The following CELF2 variants were observed in gnomAD, a reference collection of about 807,000 sequenced individuals.
CELF2 encodes the protein CUG triplet repeat RNA-binding protein 2.
CELF2 carries 8 observed loss-of-function variants against 62.6 expected under a neutral mutation model. That is an observed-to-expected ratio of 0.13 (90% CI 0.07 to 0.23). The LOEUF is 0.23. Among genes scored for constraint, CELF2 ranks in the 10% least tolerant of loss-of-function variants. CELF2 has a pLI of 1.00. For synonymous variants in CELF2, 258 were observed against 250.0 expected, an observed-to-expected ratio of 1.03 and a Z score of -0.30; for missense variants, 333 against 671.0, an observed-to-expected ratio of 0.50 and a Z score of 5.56.
chr10:11,089,252 G>A (rs762831925), intron 1 of CELF2, among the ~76,000 whole-genome samples: 6 of 152,182 alleles, frequency 3.9e-5, no homozygotes, highest in African/African-American at 9.7e-5. Context: ...CACACAGTAG[G>A]CCACAGTGGA....
the CELF2 span, among the ~76,000 whole-genome samples, chr10:10,714,877 T>TA: frequency 0.046 from 6,718 of 145,802 alleles, 356 homozygotes; most frequent in African/African-American, 0.13. Flanking sequence ...AAGCCTTATT[T>TA]AAAAAAAAAA....
chr10:10,960,880 A>C (rs913310173), intron 2 of CELF2, among the ~76,000 whole-genome samples: 1 of 152,216 alleles, frequency 6.6e-6, no homozygotes, highest in Non-Finnish European at 1.5e-5. Context: ...GCACATTTAG[A>C]GTCACATTGT....
At chr10:10,526,948 C>G in the CELF2 span, among the ~76,000 whole-genome samples, 4 of 152,334 alleles carry the variant, frequency 2.6e-5, no homozygotes, top group South Asian at 4.1e-4. Context: ...ACTTGCACCA[C>G]AGTTGTTTAT....
In CELF2 at chr10:11,150,197, A is replaced by G. The variant is rs143989049; in HGVS notation, c.75-15289A>G. On this transcript the variant is annotated intron_variant, in intron 1 of 12. Coordinates refer to ENST00000633077, the MANE Select transcript of CELF2 (RefSeq NM_001326342.2). ...CCTAAATCAGTCATCTAGAAAACAA[A>G]CATACACACTTTGTGATTTTCAAAG... Among the ~76,000 whole-genome samples, 41 of 152,342 alleles carry G rather than the reference A, an allele frequency of 2.7e-4. No homozygotes were observed. The East Asian group carries it at 7.7e-3, about 29-fold the overall frequency.
chr10:10,963,635 G>C (rs111877234), intron 2 of CELF2, among the ~76,000 whole-genome samples: 1 of 145,430 alleles, frequency 6.9e-6, no homozygotes, highest in African/African-American at 2.8e-5. Context: ...CTGTATTTAT[G>C]GGTCCATCCT....
rs551164216 is a variant in CELF2, at chr10:11,244,309, A to G, written c.355-4844A>G. 6.6e-6 allele frequency among the ~76,000 whole-genome samples: 1 copy of G among 152,290 alleles called. No individual in the cohort carries two copies. The highest frequency in any genetic ancestry group is 2.1e-4 in the South Asian group (1 of 4,816). On this transcript the variant is annotated intron_variant, in intron 3 of 12. Coordinates refer to ENST00000633077, the MANE Select transcript of CELF2 (RefSeq NM_001326342.2). This position sits in a 1 kb window ranked among gnomAD's most constrained non-coding sequence, Gnocchi z 4.2. The stretch of plus-strand genomic sequence containing the variant: ...TGTCCAGCCTATGAACATATCCCTC[A>G]CTGTTAGTCTTGTGCTTTAGGTGTC...
the CELF2 span, among the ~76,000 whole-genome samples, chr10:10,678,605 G>A: frequency 9.9e-5 from 15 of 152,096 alleles, no homozygotes; most frequent in Admixed American, 9.2e-4. Context: ...ATGCAATGAC[G>A]GCCAAAAGGC....
At chr10:10,932,101 G>A (rs1592088166) in intron 2 of CELF2, among the ~76,000 whole-genome samples, 1 of 152,200 alleles carries the variant, frequency 6.6e-6, no homozygotes, top group East Asian at 1.9e-4. Context: ...GAACATATCA[G>A]GCAGTATCAT....
At chr10:10,666,773 A>G in the CELF2 span, among the ~76,000 whole-genome samples, 1 of 119,658 alleles carries the variant, frequency 8.4e-6, no homozygotes, top group African/African-American at 3.5e-5. Context: ...GAGGCAGGAG[A>G]ATGGCGTGAA....
chr10:11,287,027 C>T (rs1342513346), intron 8 of CELF2, among the ~76,000 whole-genome samples: 3 of 152,180 alleles, frequency 2.0e-5, no homozygotes, highest in Non-Finnish European at 2.9e-5. Flanking sequence ...GAGCACTCAG[C>T]AGCCAGGCAC....
At chr10:11,174,316 T>C (rs74753423) in intron 2 of CELF2, among the ~76,000 whole-genome samples, 5,618 of 152,174 alleles carry the variant, frequency 0.037, 345 homozygotes, top group African/African-American at 0.12. Context: ...AAAAAGGGGC[T>C]AGTTAGCTAC....
intron 2 of CELF2, chr10:10,937,599 G>A (rs1318156568): frequency 6.6e-6 from 1 of 152,138 alleles, no homozygotes; most frequent in Non-Finnish European, 1.5e-5. Context: ...GCAATATTCT[G>A]TTACTGAGCT....
At chr10:11,036,191 G>A (rs1272357473) in intron 1 of CELF2, among the ~76,000 whole-genome samples, 1 of 152,194 alleles carries the variant, frequency 6.6e-6, no homozygotes, top group Non-Finnish European at 1.5e-5. Context: ...GAATTTCTTA[G>A]GAAGGATAAT....
In CELF2 at chr10:11,270,544, C is replaced by A; in HGVS notation, c.619-122C>A. On this transcript the variant is annotated intron_variant, in intron 6 of 12. Transcript: ENST00000633077. This position sits in a 1 kb window ranked among gnomAD's most constrained non-coding sequence, Gnocchi z 5.8. ...AGAAGGAATATCAAACCGTTTTAAA[C>A]CATTTCAGCCCATTCCATGTGCTCC... The A allele has an allele frequency of 6.1e-6, 5 of 818,878 alleles. No individual in the cohort carries two copies. The highest frequency in any genetic ancestry group is 4.2e-5 in the South Asian group (1 of 23,614). 50.7% of individuals were successfully genotyped at this position (818,878 alleles called of 1,614,324 possible).
At chr10:10,718,572 C>T in the CELF2 span, among the ~76,000 whole-genome samples, 2 of 149,326 alleles carry the variant, frequency 1.3e-5, no homozygotes, top group Non-Finnish European at 3.0e-5. Context: ...TGCAGTGGGC[C>T]AAGATCGCGC....
At chr10:10,752,264 C>G in the CELF2 span, among the ~76,000 whole-genome samples, 1 of 152,242 alleles carries the variant, frequency 6.6e-6, no homozygotes. Context: ...AAGTACCCAT[C>G]ACAGTGCAGA....
At chr10:10,510,867 G>T in the CELF2 span, among the ~76,000 whole-genome samples, 1 of 152,194 alleles carries the variant, frequency 6.6e-6, no homozygotes, top group African/African-American at 2.4e-5. Flanking sequence ...GAGCCTTCTA[G>T]ATAGGGGGCA....
At chr10:11,115,395 G>A (rs2056325926) in intron 1 of CELF2, among the ~76,000 whole-genome samples, 1 of 152,170 alleles carries the variant, frequency 6.6e-6, no homozygotes, top group African/African-American at 2.4e-5. Flanking sequence ...GGAAGAACAG[G>A]GGTCATTAGG....
chr10:10,492,973 C>T, the CELF2 span, among the ~76,000 whole-genome samples: 4 of 152,150 alleles, frequency 2.6e-5, no homozygotes, highest in Admixed American at 1.3e-4. Context: ...CACCTCCTGC[C>T]GTGATTGTGA....
Sources: allele counts gnomAD v4.1 joint callset (sites outside exome capture counted in the v4.1 genomes callset), GRCh38; gene constraint gnomAD v4.1.1; non-coding constraint Gnocchi (gnomAD v3.1); transcripts MANE v1.5; gene names NCBI Gene and HGNC (gene_info 2026-07-23, HGNC 2026-07-21).